The following GULP1 variants were observed in gnomAD, a reference collection of about 807,000 sequenced individuals.
GULP1 encodes GULP PTB domain containing engulfment adaptor 1, also known as PTB domain-containing engulfment adapter protein 1.
GULP1 carries 19 observed loss-of-function variants against 40.9 expected under a neutral mutation model. That is an observed-to-expected ratio of 0.46 (90% CI 0.32 to 0.68). The LOEUF (loss-of-function observed/expected upper bound fraction) is 0.68, where lower values mean the gene tolerates loss of function less well. Among genes scored for constraint, GULP1 ranks in the 30% least tolerant of loss-of-function variants. The pLI is 0.03. For missense variants in GULP1, 312 were observed against 362.2 expected, an observed-to-expected ratio of 0.86 and a Z score of 1.12; for synonymous variants, 119 against 117.6, an observed-to-expected ratio of 1.01 and a Z score of -0.08.
intron 4 of GULP1, among the ~76,000 whole-genome samples, chr2:188,513,315 TC>T (rs1212414732): frequency 6.6e-6 from 1 of 152,146 alleles, no homozygotes; most frequent in Non-Finnish European, 1.5e-5. Context: ...ATTCTAAATT[TC>T]CCATCTGTGT....
At chr2:188,398,279 T>A (rs1018357415) in intron 2 of GULP1, among the ~76,000 whole-genome samples, 8 of 152,216 alleles carry the variant, frequency 5.3e-5, no homozygotes, top group Admixed American at 2.6e-4. Flanking sequence ...TATGAGAGAA[T>A]AAATTTCTGT....
intron 5 of GULP1, among the ~76,000 whole-genome samples, chr2:188,528,379 C>T (rs1000068122): frequency 6.6e-6 from 1 of 152,050 alleles, no homozygotes; most frequent in Non-Finnish European, 1.5e-5. Context: ...GAGGCAGAGA[C>T]TCCATCTGCT....
chr2:188,429,745 G>A (rs1199094888), intron 2 of GULP1, among the ~76,000 whole-genome samples: 1 of 151,786 alleles, frequency 6.6e-6, no homozygotes, highest in East Asian at 1.9e-4. Context: ...GTCTCGCTCT[G>A]TTGCCCAGGC....
At position 188,292,082 on chromosome 2, in the gene GULP1, C is replaced by A. The variant is rs3889818; in HGVS notation, c.-256C>A. 6.6e-6 allele frequency: 1 copy of A among 152,282 alleles called. No homozygotes were observed. Among genetic ancestry groups the A allele is most frequent in the African/African-American group, 2.4e-5 (1 of 41,438 alleles). 9.4% of individuals were successfully genotyped at this position (152,282 alleles called of 1,614,324 possible). On this transcript the variant is annotated 5_prime_UTR_variant, in exon 1 of 12. Transcript: ENST00000409830. The surrounding 1 kb of genome is among the most constrained non-coding windows in gnomAD (Gnocchi z 4.0). ...CTCGGAGACGGCGCCCCGGCCGTGC[C>A]GGAGTGGAGATCGCCAGGCTCGGAG...
At chr2:188,359,243 G>A (rs1028081939) in intron 1 of GULP1, among the ~76,000 whole-genome samples, 3 of 151,824 alleles carry the variant, frequency 2.0e-5, no homozygotes, top group Admixed American at 6.6e-5. Context: ...GATATTTATT[G>A]AGTTATACTT....
intron 1 of GULP1, among the ~76,000 whole-genome samples, chr2:188,329,748 A>C (rs1175044755): frequency 1.3e-5 from 2 of 152,120 alleles, no homozygotes; most frequent in Non-Finnish European, 2.9e-5. Flanking sequence ...TCTGTTGAGA[A>C]AGGCAATGGT....
intron 1 of GULP1, among the ~76,000 whole-genome samples, chr2:188,338,690 T>C (rs983970788): frequency 6.6e-6 from 1 of 152,208 alleles, no homozygotes; most frequent in Non-Finnish European, 1.5e-5. Flanking sequence ...CTATATTGCA[T>C]CTGAGAAACG....
At chr2:188,563,819 T>G (rs1696960927) in intron 7 of GULP1, among the ~76,000 whole-genome samples, 1 of 151,904 alleles carries the variant, frequency 6.6e-6, no homozygotes, top group African/African-American at 2.4e-5. Flanking sequence ...GACAAAGACC[T>G]TACAAAAAAT....
intron 2 of GULP1, among the ~76,000 whole-genome samples, chr2:188,448,547 C>T (rs2058584609): frequency 6.6e-6 from 1 of 152,096 alleles, no homozygotes; most frequent in African/African-American, 2.4e-5. Flanking sequence ...TAGTGTCTTA[C>T]CAATTGTATG....
At chr2:188,482,155 C>T (rs1045080133) in intron 3 of GULP1, among the ~76,000 whole-genome samples, 1 of 151,814 alleles carries the variant, frequency 6.6e-6, no homozygotes, top group African/African-American at 2.4e-5. Context: ...ATTGGAAATA[C>T]TTGAGAATAT....
chr2:188,331,254 G>A (rs1391312597), intron 1 of GULP1, among the ~76,000 whole-genome samples: 1 of 152,148 alleles, frequency 6.6e-6, no homozygotes, highest in Non-Finnish European at 1.5e-5. Context: ...GATACAGAAT[G>A]AACACCACAT....
chr2:188,571,315 A>G (rs1264855306), intron 9 of GULP1, among the ~76,000 whole-genome samples: 1 of 152,196 alleles, frequency 6.6e-6, no homozygotes, highest in African/African-American at 2.4e-5. Context: ...TCACAAGCTC[A>G]TCACTATGAA....
chr2:188,458,453 A>C (rs1575393176), intron 2 of GULP1, among the ~76,000 whole-genome samples: 1 of 151,992 alleles, frequency 6.6e-6, no homozygotes, highest in East Asian at 1.9e-4. Flanking sequence ...ATTTCTTTCA[A>C]CCAGTCAGGC....
At chr2:188,317,303 A>G (rs551005011) in intron 1 of GULP1, among the ~76,000 whole-genome samples, 2 of 152,272 alleles carry the variant, frequency 1.3e-5, no homozygotes, top group South Asian at 4.1e-4. Flanking sequence ...TTCAGATTGA[A>G]TTGCAATTTT....
At chr2:188,543,248 C>T (rs1335044106) in intron 7 of GULP1, among the ~76,000 whole-genome samples, 1 of 152,078 alleles carries the variant, frequency 6.6e-6, no homozygotes, top group East Asian at 1.9e-4. Flanking sequence ...AGCAGTGGTT[C>T]ACAATCATTA....
chr2:188,549,084 A>T (rs1302824653), intron 7 of GULP1, among the ~76,000 whole-genome samples: 9 of 151,898 alleles, frequency 5.9e-5, no homozygotes, highest in Non-Finnish European at 1.0e-4. Context: ...AGCAGGATTT[A>T]AAATGGGGGA....
chr2:188,441,853 G>A (rs1026193599), intron 2 of GULP1, among the ~76,000 whole-genome samples: 1 of 152,134 alleles, frequency 6.6e-6, no homozygotes, highest in African/African-American at 2.4e-5. Flanking sequence ...GACTGATAGA[G>A]CTTTATGAGT....
At chr2:188,558,465 T>C (rs1210635328) in intron 7 of GULP1, among the ~76,000 whole-genome samples, 1 of 152,216 alleles carries the variant, frequency 6.6e-6, no homozygotes, top group Non-Finnish European at 1.5e-5. Flanking sequence ...CCTCTTTTTC[T>C]TCCCAGTCTC....
At chr2:188,518,851 A>G (rs1352197558) in intron 4 of GULP1, among the ~76,000 whole-genome samples, 1 of 152,194 alleles carries the variant, frequency 6.6e-6, no homozygotes, top group Non-Finnish European at 1.5e-5. Flanking sequence ...GGAGAGAAGA[A>G]CAGCATTTAT....
Sources: allele counts gnomAD v4.1 joint callset (sites outside exome capture counted in the v4.1 genomes callset), GRCh38; gene constraint gnomAD v4.1.1; non-coding constraint Gnocchi (gnomAD v3.1); transcripts MANE v1.5; gene names NCBI Gene and HGNC (gene_info 2026-07-23, HGNC 2026-07-21).